HSF2BP: variants seen among roughly 807,000 people sequenced by gnomAD.
The protein encoded by HSF2BP is heat shock factor 2-binding protein.
Under a neutral mutation model 35.0 loss-of-function variants are expected in HSF2BP, and 35 were observed. The ratio of observed to expected loss-of-function variants is 1.00; its 90% CI spans 0.76 to 1.32. HSF2BP has a LOEUF of 1.32. Ranked by LOEUF, HSF2BP falls within the 40% of genes most tolerant of loss-of-function variation. HSF2BP has a pLI of 0.00. For synonymous variants in HSF2BP, 114 were observed against 117.4 expected, an observed-to-expected ratio of 0.97 and a Z score of 0.18; for missense variants, 326 against 321.7, an observed-to-expected ratio of 1.01 and a Z score of -0.10.
intron 3 of HSF2BP, among the ~76,000 whole-genome samples, chr21:43,651,362 A>G (rs1033783511): frequency 2.0e-5 from 3 of 152,146 alleles, no homozygotes; most frequent in African/African-American, 7.2e-5. Context: ...ATCATAAATC[A>G]TGACACTTTG....
At chr21:43,632,682 T>C (rs1298362923) in intron 5 of HSF2BP, among the ~76,000 whole-genome samples, 1 of 152,142 alleles carries the variant, frequency 6.6e-6, no homozygotes, top group Non-Finnish European at 1.5e-5. Flanking sequence ...TTCAGCCTAC[T>C]CAATTTGAAG....
At chr21:43,590,096 A>T (rs942303744) in intron 8 of HSF2BP, among the ~76,000 whole-genome samples, 4 of 152,232 alleles carry the variant, frequency 2.6e-5, no homozygotes, top group Non-Finnish European at 4.4e-5. Context: ...GATGAGCCAC[A>T]AGCTGGGAAA....
chr21:43,648,196 T>C (rs3788070), intron 3 of HSF2BP, among the ~76,000 whole-genome samples: 51,372 of 151,966 alleles, frequency 0.34, 8,828 homozygotes, highest in Middle Eastern at 0.39. Flanking sequence ...ATCTCCACCC[T>C]GATCTGTGCC....
At chr21:43,654,668 T>C (rs1484903053) in intron 3 of HSF2BP, among the ~76,000 whole-genome samples, 1 of 152,144 alleles carries the variant, frequency 6.6e-6, no homozygotes, top group Non-Finnish European at 1.5e-5. Flanking sequence ...ATTTAGAATT[T>C]GAAATAATCA....
In HSF2BP at chr21:43,625,177, G is replaced by C. The variant is rs146681149; in HGVS notation, c.574+5145C>G. ...CTACCCCATTCTTTCCGGGGGCAGA[G>C]GGAGAGATAATTTACCAAAATCACA... On this transcript the variant is annotated intron_variant, in intron 6 of 8. Transcript: ENST00000291560. Among the ~76,000 whole-genome samples, 1,500 of 152,184 alleles carry C rather than the reference G, an allele frequency of 9.9e-3. 21 individuals carry two copies. Among genetic ancestry groups the C allele is most frequent in the African/African-American group, 0.033 (1,362 of 41,496 alleles).
intron 2 of HSF2BP, 182 bp downstream of exon 2, chr21:43,657,879 C>T (rs2082898348): frequency 1.0e-6 from 1 of 985,474 alleles, no homozygotes; most frequent in East Asian, 1.1e-4. Context: ...GAGGCGAAGT[C>T]GCCTCCCGCC....
intron 6 of HSF2BP, among the ~76,000 whole-genome samples, chr21:43,626,876 T>C (rs1485347024): frequency 1.3e-5 from 2 of 150,692 alleles, no homozygotes; most frequent in East Asian, 3.8e-4. Context: ...AATTTTTTTT[T>C]TTTTTTTAAG....
chr21:43,642,802 T>C (rs1351621075), intron 4 of HSF2BP, among the ~76,000 whole-genome samples: 2 of 144,202 alleles, frequency 1.4e-5, no homozygotes, highest in Non-Finnish European at 3.0e-5. Flanking sequence ...TTTCTTTTTT[T>C]TTTTTTTTTT....
chr21:43,581,959 AG>A (rs2081745631), intron 8 of HSF2BP, among the ~76,000 whole-genome samples: 1 of 77,088 alleles, frequency 1.3e-5, no homozygotes, highest in Non-Finnish European at 2.4e-5. Context: ...CTGCTGTGGG[AG>A]ATGAGGGCCT....
chr21:43,635,711 GT>G (rs1168083040), intron 4 of HSF2BP, among the ~76,000 whole-genome samples: 1 of 152,112 alleles, frequency 6.6e-6, no homozygotes, highest in African/African-American at 2.4e-5. Context: ...GAGGTCAGGA[GT>G]TCAAGACTAG....
chr21:43,572,022 CAG>C (rs1271175461), intron 8 of HSF2BP, among the ~76,000 whole-genome samples: 63 of 152,216 alleles, frequency 4.1e-4, no homozygotes, highest in African/African-American at 1.4e-3. Context: ...TGGACCCAAT[CAG>C]AGTCTGCAGG....
chr21:43,635,928 C>CAAA (rs33999944), intron 4 of HSF2BP, among the ~76,000 whole-genome samples: 4 of 71,094 alleles, frequency 5.6e-5, no homozygotes, highest in African/African-American at 1.7e-4. Context: ...GACTCCATCT[C>CAAA]AAAAAAAAAA....
intron 3 of HSF2BP, among the ~76,000 whole-genome samples, chr21:43,652,996 G>A (rs140189026): frequency 2.0e-5 from 3 of 152,120 alleles, no homozygotes; most frequent in Admixed American, 6.6e-5. Context: ...ATTAGCTGGC[G>A]TGGTGGCACA....
intron 4 of HSF2BP, among the ~76,000 whole-genome samples, 187 bp downstream of exon 4, chr21:43,644,102 C>T (rs117999769): frequency 3.9e-5 from 6 of 152,264 alleles, no homozygotes; most frequent in Admixed American, 2.6e-4. Flanking sequence ...GAATGATCTA[C>T]GTGTTAAATG....
the HSF2BP span, among the ~76,000 whole-genome samples, chr21:43,501,546 GCGCACGCCACC>G: frequency 4.9e-5 from 2 of 40,880 alleles, no homozygotes; most frequent in Non-Finnish European, 8.8e-5. Flanking sequence ...GGGATTACAG[GCGCACGCCACC>G]ACACCTAGAT....
intron 7 of HSF2BP, among the ~76,000 whole-genome samples, chr21:43,605,506 T>TC (rs1337149644): frequency 1.1e-5 from 1 of 91,276 alleles, no homozygotes; most frequent in African/African-American, 4.5e-5. Flanking sequence ...CCCACACATA[T>TC]CCCCCCACGC....
At chr21:43,631,250 A>G (rs1028823522) in intron 5 of HSF2BP, among the ~76,000 whole-genome samples, 1 of 152,066 alleles carries the variant, frequency 6.6e-6, no homozygotes, top group African/African-American at 2.4e-5. Context: ...CTAATTTCTC[A>G]CTGGTTTCCT....
chr21:43,600,333 G>C (rs1225840637), intron 7 of HSF2BP, among the ~76,000 whole-genome samples: 1 of 152,128 alleles, frequency 6.6e-6, no homozygotes, highest in East Asian at 1.9e-4. Context: ...GCAAGAAAAA[G>C]GAGTATCTGT....
chr21:43,638,516 C>T (rs2082594628), intron 4 of HSF2BP, among the ~76,000 whole-genome samples: 1 of 152,110 alleles, frequency 6.6e-6, no homozygotes, highest in Non-Finnish European at 1.5e-5. Context: ...AACACAATAC[C>T]ATTTACGGTT....
Sources: allele counts gnomAD v4.1 joint callset (sites outside exome capture counted in the v4.1 genomes callset), GRCh38; gene constraint gnomAD v4.1.1; transcripts MANE v1.5; gene names NCBI Gene and HGNC (gene_info 2026-07-23, HGNC 2026-07-21).